TTYH2: variants seen among roughly 807,000 people sequenced by gnomAD.
The protein encoded by TTYH2 is protein tweety homolog 2.
In TTYH2, 49 loss-of-function variants were observed where a neutral mutation model predicts 68.3. The ratio of observed to expected loss-of-function variants is 0.72; its 90% CI spans 0.57 to 0.91. TTYH2 has a LOEUF of 0.91. Ranked by LOEUF, TTYH2 falls within the 40% of genes least tolerant of loss-of-function variation. The pLI is 0.00. For synonymous variants in TTYH2, 272 were observed against 300.8 expected (o/e 0.90, Z 0.99); for missense variants, 631 against 700.4 (o/e 0.90, Z 1.12).
intron 2 of TTYH2, among the ~76,000 whole-genome samples, chr17:74,228,964 A>G (rs2050359772): frequency 6.6e-6 from 1 of 152,226 alleles, no homozygotes; most frequent in Non-Finnish European, 1.5e-5. Flanking sequence ...TGAGGAAGCC[A>G]GGTTCAGCTG....
chr17:74,220,300 AAAAGTT>A (rs376211034), intron 1 of TTYH2, among the ~76,000 whole-genome samples: 124 of 152,364 alleles, frequency 8.1e-4, no homozygotes, highest in Middle Eastern at 3.4e-3. Flanking sequence ...AGTTTGAAGA[AAAAGTT>A]AAGCTACTGG....
chr17:74,234,272 C>G (rs1405768191), intron 3 of TTYH2, among the ~76,000 whole-genome samples: 1 of 152,214 alleles, frequency 6.6e-6, no homozygotes, highest in Non-Finnish European at 1.5e-5. Flanking sequence ...TTCCTCTAGA[C>G]CGTGGTCTCC....
At position 74,238,393 on chromosome 17, in the gene TTYH2, C is replaced by T. The variant is rs376382742; in HGVS notation, c.635+879C>T. ...GGAGGAATGAGGCTGTGTCCCCAGA[C>T]TCACTTTTTTTTTCTTTCTTTTTAA... On this transcript the variant is annotated intron_variant, in intron 4 of 13. Coordinates refer to ENST00000269346, the MANE Select transcript of TTYH2 (RefSeq NM_032646.6). Among the ~76,000 whole-genome samples, 23 of 152,214 alleles carry T rather than the reference C, an allele frequency of 1.5e-4. No homozygotes were observed. In the South Asian group the frequency reaches 4.8e-3, roughly 32 times the overall value.
Position 74,239,753 on chromosome 17 carries a change from C to A in TTYH2, c.635+2239C>A, listed in dbSNP as rs1440483706. On this transcript the variant is annotated intron_variant, in intron 4 of 13. Coordinates refer to ENST00000269346, the MANE Select transcript of TTYH2 (RefSeq NM_032646.6). The surrounding 1 kb of genome is among the most constrained non-coding windows in gnomAD (Gnocchi z 5.3). Reference sequence around the variant, plus strand: ...TGGATGCTCATGGGCAAAAGAGCCTCCCTCCCAAGGGACAGAAGGAAACTG... The same window carrying A: ...TGGATGCTCATGGGCAAAAGAGCCTACCTCCCAAGGGACAGAAGGAAACTG... Among the ~76,000 whole-genome samples, 1 of 152,198 alleles carries A rather than the reference C, an allele frequency of 6.6e-6. No individual in the cohort carries two copies. The highest frequency in any genetic ancestry group is 2.4e-5 in the African/African-American group (1 of 41,454).
chr17:74,227,983 CTTT>C (rs35080135), intron 2 of TTYH2, among the ~76,000 whole-genome samples: 10 of 112,534 alleles, frequency 8.9e-5, no homozygotes, highest in African/African-American at 1.9e-4. Flanking sequence ...TCTTTTCTTT[CTTT>C]TTTTTTTTTT....
At chr17:74,250,092 C>A in intron 9 of TTYH2, 64 bp downstream of exon 9, 1 of 1,570,514 alleles carries the variant, frequency 6.4e-7, no homozygotes. Context: ...TCCCCTGCCC[C>A]GGCCCCAGGG....
Position 74,237,538 on chromosome 17 carries a change from G to T in TTYH2, c.635+24G>T, listed in dbSNP as rs1275461467. On this transcript the variant is annotated intron_variant, in intron 4 of 13. Coordinates refer to ENST00000269346, the MANE Select transcript of TTYH2 (RefSeq NM_032646.6). Reference sequence around the variant, plus strand: ...AGGTGAAGGACCGGTGGGAGGCAGAGGGAGGGGCAGCAGCGGCTACATCAG... The same window carrying T: ...AGGTGAAGGACCGGTGGGAGGCAGATGGAGGGGCAGCAGCGGCTACATCAG... 3 of 1,580,522 alleles carry T rather than the reference G, an allele frequency of 1.9e-6. No individual in the cohort carries two copies. The Admixed American group carries it at 5.1e-5, about 27-fold the overall frequency.
intron 2 of TTYH2, among the ~76,000 whole-genome samples, chr17:74,223,592 G>A (rs539748378): frequency 2.0e-5 from 3 of 152,194 alleles, no homozygotes; most frequent in Non-Finnish European, 4.4e-5. Flanking sequence ...CACACTGCCT[G>A]GCCACTCCAC....
At chr17:74,259,124 C>T (rs149613990) in intron 13 of TTYH2, among the ~76,000 whole-genome samples, 2,536 of 152,276 alleles carry the variant, frequency 0.017, 38 homozygotes, top group Middle Eastern at 0.065. Flanking sequence ...GGGTCATGCT[C>T]CTCCAACTTG....
chr17:74,240,922 T>A (rs943314678), intron 4 of TTYH2: 4 of 151,404 alleles, frequency 2.6e-5, no homozygotes, highest in Non-Finnish European at 5.9e-5. Context: ...CCACAGAGAG[T>A]GGGTTAGAAG....
At chr17:74,221,268 C>G (rs570083445) in intron 1 of TTYH2, among the ~76,000 whole-genome samples, 5 of 152,356 alleles carry the variant, frequency 3.3e-5, no homozygotes, top group African/African-American at 1.2e-4. Flanking sequence ...ACAGGGCTGG[C>G]AGCGTGGCCT....
chr17:74,248,604 C>G, intron 6 of TTYH2: 1 of 1,065,792 alleles, frequency 9.4e-7, no homozygotes, highest in Non-Finnish European at 1.1e-6. Flanking sequence ...GCAGATGAGG[C>G]CATGGTGTAA....
intron 2 of TTYH2, 81 bp from the exon 3 acceptor site, chr17:74,230,807 A>G (rs2050380502): frequency 6.8e-7 from 1 of 1,462,646 alleles, no homozygotes; most frequent in African/African-American, 1.4e-5. Context: ...ACCGCACCCA[A>G]CCCTAAGCTT....
intron 13 of TTYH2, among the ~76,000 whole-genome samples, chr17:74,259,607 G>A (rs762409812): frequency 5.3e-5 from 8 of 152,232 alleles, no homozygotes; most frequent in South Asian, 2.1e-4. Context: ...TGTTTCTGGC[G>A]AGCAGCCCAG....
intron 12 of TTYH2, 59 bp downstream of exon 12, chr17:74,253,325 G>A (rs2143781031): frequency 6.6e-7 from 1 of 1,508,384 alleles, no homozygotes; most frequent in East Asian, 2.3e-5. Context: ...TGTTGGGTGG[G>A]GTCCACAGTG....
rs1204187712 is a variant in TTYH2, at chr17:74,260,661, C to T, written c.*452C>T. The stretch of plus-strand genomic sequence containing the variant: ...CCCCTCTGTCCTCGTTCCCTGTCCT[C>T]GTTCCCTGCAGGTAACATGAGAAGG... On this transcript the variant is annotated 3_prime_UTR_variant, in exon 14 of 14. Coordinates refer to ENST00000269346, the MANE Select transcript of TTYH2 (RefSeq NM_032646.6). 3 of 194,106 alleles carry T rather than the reference C, an allele frequency of 1.5e-5. No individual in the cohort carries two copies. Among genetic ancestry groups the T allele is most frequent in the East Asian group, 2.2e-4 (2 of 8,932 alleles). The allele number at this position is 194,106 out of a possible 1,614,324, so 12.0% of individuals were successfully genotyped here. A position where few individuals can be genotyped will look rare whatever the true frequency, so the allele number is the denominator to read the frequency against.
intron 4 of TTYH2, among the ~76,000 whole-genome samples, chr17:74,238,577 T>G (rs1353326709): frequency 6.6e-6 from 1 of 152,036 alleles, no homozygotes; most frequent in Non-Finnish European, 1.5e-5. Flanking sequence ...AAAAAAATTT[T>G]TTTTTGCAGC....
At position 74,249,096 on chromosome 17, in the gene TTYH2, C is replaced by G; in HGVS notation, c.874+16C>G. The G allele has an allele frequency of 6.2e-7, 1 of 1,614,142 alleles. No individual in the cohort carries two copies. The highest frequency in any genetic ancestry group is 8.5e-7 in the Non-Finnish European group (1 of 1,180,016). ...ATCAGCACAGGTAACTACACACTCT[C>G]AGGCTGCTGCTGTGGATGCATAGGT... is the stretch of plus-strand genomic sequence containing the variant. On this transcript the variant is annotated intron_variant, in intron 7 of 13. Coordinates refer to ENST00000269346, the MANE Select transcript of TTYH2 (RefSeq NM_032646.6).
At chr17:74,248,961 T>C in intron 6 of TTYH2, 50 bp from the exon 7 acceptor site, 1 of 1,613,252 alleles carries the variant, frequency 6.2e-7, no homozygotes, top group Non-Finnish European at 8.5e-7. Context: ...AGGGCCCCGC[T>C]GTCCTGATAC....
Sources: allele counts gnomAD v4.1 joint callset (sites outside exome capture counted in the v4.1 genomes callset), GRCh38; gene constraint gnomAD v4.1.1; non-coding constraint Gnocchi (gnomAD v3.1); transcripts MANE v1.5; gene names NCBI Gene and HGNC (gene_info 2026-07-23, HGNC 2026-07-21).